PDE3B: variants seen among roughly 807,000 people sequenced by gnomAD.
The protein encoded by PDE3B is cGMP-inhibited 3',5'-cyclic phosphodiesterase 3B.
In PDE3B, 66 loss-of-function variants were observed where a neutral mutation model predicts 116.8. That is an observed-to-expected ratio of 0.56 (90% CI 0.46 to 0.69). PDE3B has a LOEUF of 0.69. Ranked by LOEUF, PDE3B falls within the 30% of genes least tolerant of loss-of-function variation. The pLI, the probability that PDE3B is intolerant of heterozygous loss-of-function variation, is 0.00. For synonymous variants in PDE3B, 595 were observed against 533.6 expected (o/e 1.12, Z -1.59); for missense variants, 1,384 against 1,368.1 (o/e 1.01, Z -0.18).
intron 1 of PDE3B, among the ~76,000 whole-genome samples, chr11:14,658,904 G>T (rs1431996408): frequency 2.6e-5 from 4 of 152,044 alleles, no homozygotes; most frequent in African/African-American, 9.7e-5. Context: ...CTGGTGCTTG[G>T]CATATATCAA....
intron 1 of PDE3B, among the ~76,000 whole-genome samples, chr11:14,768,132 T>C (rs955780180): frequency 2.6e-5 from 4 of 151,544 alleles, no homozygotes; most frequent in African/African-American, 9.7e-5. Flanking sequence ...TTCTTGCCTT[T>C]ACAGCACAGT....
chr11:14,733,349 T>A (rs537132463), intron 1 of PDE3B, among the ~76,000 whole-genome samples: 44 of 152,342 alleles, frequency 2.9e-4, no homozygotes, highest in African/African-American at 1.0e-3. Flanking sequence ...TTTCTGTTTC[T>A]CTGTCTCCTG....
chr11:14,652,608 A>T (rs950968787), intron 1 of PDE3B, among the ~76,000 whole-genome samples: 2 of 152,198 alleles, frequency 1.3e-5, no homozygotes, highest in East Asian at 3.8e-4. Flanking sequence ...GGTGTTAAGT[A>T]TATTCACATT....
intron 2 of PDE3B, among the ~76,000 whole-genome samples, chr11:14,783,474 C>G (rs1164134572): frequency 6.6e-6 from 1 of 152,140 alleles, no homozygotes; most frequent in Non-Finnish European, 1.5e-5. Flanking sequence ...ATGGATGAAG[C>G]TGGAAACCAT....
intron 1 of PDE3B, chr11:14,673,880 G>A (rs1565086027): frequency 4.2e-6 from 6 of 1,425,086 alleles, no homozygotes; most frequent in Non-Finnish European, 5.9e-6. Flanking sequence ...ACATTACGTT[G>A]AAGTATTCTT....
chr11:14,799,226 A>C (rs923084100), intron 4 of PDE3B, among the ~76,000 whole-genome samples: 1 of 152,092 alleles, frequency 6.6e-6, no homozygotes, highest in Non-Finnish European at 1.5e-5. Flanking sequence ...TTCAGTTTCC[A>C]TGTAGTTGTG....
intron 1 of PDE3B, among the ~76,000 whole-genome samples, chr11:14,680,996 G>A (rs963247716): frequency 1.3e-5 from 2 of 152,116 alleles, no homozygotes; most frequent in South Asian, 4.2e-4. Context: ...TAAACCCATC[G>A]TAAGTTGAAA....
chr11:14,739,998 G>A (rs916271079), intron 1 of PDE3B, among the ~76,000 whole-genome samples: 2 of 152,038 alleles, frequency 1.3e-5, no homozygotes, highest in South Asian at 2.1e-4. Context: ...TGCTGGATTC[G>A]GTTTGCCAGT....
chr11:14,725,618 C>T (rs1274254221), intron 1 of PDE3B, among the ~76,000 whole-genome samples: 1 of 128,258 alleles, frequency 7.8e-6, no homozygotes, highest in Non-Finnish European at 1.6e-5. Context: ...CCTGTTCTCT[C>T]CTCTCCTTTC....
At chr11:14,760,628 A>G (rs1049461185) in intron 1 of PDE3B, among the ~76,000 whole-genome samples, 1 of 152,188 alleles carries the variant, frequency 6.6e-6, no homozygotes, top group Non-Finnish European at 1.5e-5. Flanking sequence ...TTCTTATTTA[A>G]TATTTCAAAG....
At chr11:14,823,140 A>G (rs773768694) in intron 7 of PDE3B, among the ~76,000 whole-genome samples, 8 of 152,268 alleles carry the variant, frequency 5.3e-5, no homozygotes, top group Middle Eastern at 6.8e-3. Flanking sequence ...ACAGGCCGCC[A>G]TCTTTGCTGT....
chr11:14,644,327 C>A lies in PDE3B; in HGVS notation c.252C>A (p.Ala84=). The A allele has an allele frequency of 6.4e-7, 1 of 1,573,290 alleles. No individual in the cohort carries two copies. Among genetic ancestry groups the A allele is most frequent in the Non-Finnish European group, 8.6e-7 (1 of 1,164,864 alleles). Residue 84 remains alanine, a synonymous_variant, in exon 1 of 16, where the codon GCC becomes GCA. Transcript: ENST00000282096. ...GCCGGGCGCGCCTCTCGCTGGGCGC[C>A]CTGGCTGCCTTTGTCCTCGCCCTGC... is the stretch of plus-strand genomic sequence containing the variant. ...PFCRARLSLG[A]LAAFVLALLL...
intron 1 of PDE3B, among the ~76,000 whole-genome samples, chr11:14,752,375 A>C (rs1358195829): frequency 6.6e-6 from 1 of 152,194 alleles, no homozygotes; most frequent in African/African-American, 2.4e-5. Flanking sequence ...CTTCTGAAAT[A>C]AGGCTTTGTT....
chr11:14,694,637 C>A (rs1258742800), intron 1 of PDE3B, among the ~76,000 whole-genome samples: 1 of 152,094 alleles, frequency 6.6e-6, no homozygotes, highest in Non-Finnish European at 1.5e-5. Flanking sequence ...AATATACTTA[C>A]AGTATAGTGT....
At chr11:14,864,354 T>G (rs188476449) in intron 14 of PDE3B, among the ~76,000 whole-genome samples, 87 of 152,228 alleles carry the variant, frequency 5.7e-4, no homozygotes, top group African/African-American at 2.0e-3. Context: ...AAAATAATAG[T>G]GGGAGATTTT....
chr11:14,676,860 C>T (rs76682217), intron 1 of PDE3B, among the ~76,000 whole-genome samples: 7,632 of 151,992 alleles, frequency 0.05, 472 homozygotes, highest in African/African-American at 0.13. Flanking sequence ...AATTTTTTTC[C>T]TTTACATTTA....
At chr11:14,669,479 A>T (rs908109944) in intron 1 of PDE3B, among the ~76,000 whole-genome samples, 1 of 152,162 alleles carries the variant, frequency 6.6e-6, no homozygotes, top group African/African-American at 2.4e-5. Flanking sequence ...TTTTTAAATT[A>T]TACTTTTAAG....
intron 1 of PDE3B, among the ~76,000 whole-genome samples, chr11:14,747,245 A>C (rs60249674): frequency 6.6e-6 from 1 of 152,080 alleles, no homozygotes; most frequent in Non-Finnish European, 1.5e-5. Context: ...CCCACCTTCA[A>C]CTTTGGGAAT....
intron 1 of PDE3B, among the ~76,000 whole-genome samples, chr11:14,666,187 A>T (rs1193909885): frequency 6.7e-6 from 1 of 149,068 alleles, no homozygotes; most frequent in African/African-American, 2.5e-5. Flanking sequence ...TGGGGAAAGG[A>T]TTCCCTATTT....
Sources: allele counts gnomAD v4.1 joint callset (sites outside exome capture counted in the v4.1 genomes callset), GRCh38; gene constraint gnomAD v4.1.1; transcripts MANE v1.5; gene names NCBI Gene and HGNC (gene_info 2026-07-23, HGNC 2026-07-21).